Variants in GHR observed in about 807,000 individuals in gnomAD.
GHR encodes GH receptor.
Under a neutral mutation model 67.1 loss-of-function variants are expected in GHR, and 35 were observed. The observed-to-expected ratio is 0.52, with a 90% CI of 0.40 to 0.69. The LOEUF (loss-of-function observed/expected upper bound fraction) is 0.69, where lower values mean the gene tolerates loss of function less well. Among genes scored for constraint, GHR ranks in the 30% least tolerant of loss-of-function variants. The pLI is 0.00. For synonymous variants in GHR, 272 were observed against 269.1 expected (o/e 1.01, Z -0.10); for missense variants, 792 against 764.6 (o/e 1.04, Z -0.42).
chr5:42,646,350 A>G (rs1030258320), intron 3 of GHR: 2 of 455,028 alleles, frequency 4.4e-6, no homozygotes, highest in Admixed American at 2.4e-5. Context: ...CCATGCTCAC[A>G]TATCAAGAAA....
intron 1 of GHR, among the ~76,000 whole-genome samples, chr5:42,551,934 G>C (rs1055456111): frequency 6.6e-6 from 1 of 152,228 alleles, no homozygotes; most frequent in Non-Finnish European, 1.5e-5. Flanking sequence ...CCAATGAGGG[G>C]AGCATGAATG....
rs139117764 is a variant in GHR, at chr5:42,485,926, C to G, written c.-12+61971C>G. On this transcript the variant is annotated intron_variant, in intron 1 of 9. Coordinates refer to ENST00000230882, the MANE Select transcript of GHR (RefSeq NM_000163.5). ...TTCTACTGAAGTCCATACTCTACCC[C>G]CTTGCTCTCAGCCGATGATCTGTTT... Among the ~76,000 whole-genome samples, 52 of 152,322 alleles carry G rather than the reference C, an allele frequency of 3.4e-4. No individual in the cohort carries two copies. In the East Asian group the frequency reaches 8.1e-3, roughly 24 times the overall value.
At chr5:42,466,824 G>T in intron 1 of GHR, 1 of 1,150,014 alleles carries the variant, frequency 8.7e-7, no homozygotes, top group Non-Finnish European at 1.2e-6. Flanking sequence ...ACAGCAAAGA[G>T]GTGTCTCATT....
Position 42,565,901 on chromosome 5 carries a change from C to T in GHR, c.27C>T (p.Thr9=), listed in dbSNP as rs376039279. The T allele has an allele frequency of 1.2e-6, 2 of 1,614,038 alleles. No individual in the cohort carries two copies. Among genetic ancestry groups the T allele is most frequent in the Non-Finnish European group, 1.7e-6 (2 of 1,179,940 alleles). ...TGGATCTCTGGCAGCTGCTGTTGAC[C>T]TTGGCACTGGCAGGATCAAGTGATG... MDLWQLLL[T]LALAGSSDAF... Residue 9 remains threonine (T), a synonymous_variant, in exon 2 of 10, where the codon ACC becomes ACT. Transcript: ENST00000230882.
intron 1 of GHR, among the ~76,000 whole-genome samples, chr5:42,426,217 G>T (rs1271454675): frequency 6.6e-6 from 1 of 152,174 alleles, no homozygotes; most frequent in East Asian, 1.9e-4. Context: ...AATAAATGGA[G>T]CCACAGTTGC....
At chr5:42,701,262 G>A (rs1757914538) in intron 6 of GHR, among the ~76,000 whole-genome samples, 1 of 152,154 alleles carries the variant, frequency 6.6e-6, no homozygotes, top group South Asian at 2.1e-4. Flanking sequence ...TTTACTAATA[G>A]TCATGCACTC....
chr5:42,639,636 T>A (rs1015459758), intron 3 of GHR, among the ~76,000 whole-genome samples: 4 of 152,192 alleles, frequency 2.6e-5, no homozygotes, highest in African/African-American at 9.7e-5. Flanking sequence ...TCTGCCAGGG[T>A]TATCCTCAGA....
chr5:42,615,640 T>A (rs1193937305), intron 2 of GHR, among the ~76,000 whole-genome samples: 1 of 151,926 alleles, frequency 6.6e-6, no homozygotes, highest in Non-Finnish European at 1.5e-5. Context: ...ATGTGTCTGG[T>A]TGTGAATAGT....
At chr5:42,676,167 C>A (rs1031433096) in intron 3 of GHR, among the ~76,000 whole-genome samples, 3 of 152,112 alleles carry the variant, frequency 2.0e-5, no homozygotes, top group African/African-American at 7.2e-5. Flanking sequence ...CGCCTGTAGT[C>A]CCAGCTACTC....
At chr5:42,428,508 C>T (rs1742951159) in intron 1 of GHR, among the ~76,000 whole-genome samples, 2 of 152,212 alleles carry the variant, frequency 1.3e-5, no homozygotes, top group Non-Finnish European at 2.9e-5. Context: ...CAAATTTCTG[C>T]AGCAGTCTTG....
intron 1 of GHR, among the ~76,000 whole-genome samples, chr5:42,558,307 A>G (rs1244939510): frequency 1.3e-5 from 2 of 152,232 alleles, no homozygotes; most frequent in African/African-American, 4.8e-5. Flanking sequence ...ATGATTTTAT[A>G]TGTCATTTGA....
intron 2 of GHR, among the ~76,000 whole-genome samples, chr5:42,615,208 C>G (rs761636278): frequency 2.0e-4 from 30 of 150,840 alleles, no homozygotes; most frequent in Non-Finnish European, 3.4e-4. Context: ...AACTCTACAG[C>G]AAAGAAAAAA....
At chr5:42,545,722 G>A (rs543920283) in intron 1 of GHR, among the ~76,000 whole-genome samples, 1 of 152,196 alleles carries the variant, frequency 6.6e-6, no homozygotes, top group South Asian at 2.1e-4. Flanking sequence ...ACTTGTTTTG[G>A]GGGGTTGGGT....
intron 2 of GHR, among the ~76,000 whole-genome samples, chr5:42,610,043 T>C (rs899584101): frequency 1.4e-4 from 21 of 152,178 alleles, no homozygotes; most frequent in Non-Finnish European, 2.1e-4. Context: ...CACAATTTTA[T>C]AAGTGTGATA....
intron 2 of GHR, among the ~76,000 whole-genome samples, chr5:42,579,330 A>G (rs1751036210): frequency 6.6e-6 from 1 of 152,192 alleles, no homozygotes; most frequent in Non-Finnish European, 1.5e-5. Context: ...ACTCATTACC[A>G]AGGAAATTCC....
chr5:42,634,005 G>A (rs1179282958), intron 3 of GHR, among the ~76,000 whole-genome samples: 1 of 151,958 alleles, frequency 6.6e-6, no homozygotes, highest in African/African-American at 2.4e-5. Flanking sequence ...TTCCTCTCTC[G>A]CAAGGAGAGA....
intron 1 of GHR, among the ~76,000 whole-genome samples, chr5:42,492,534 T>C (rs1236284021): frequency 1.3e-5 from 2 of 152,096 alleles, no homozygotes; most frequent in African/African-American, 4.8e-5. Flanking sequence ...CCTAGGGAGG[T>C]GATGCTGAAT....
rs754420410 is a variant in GHR at position 42,718,561 on chromosome 5, G to A, written c.1054G>A (p.Glu352Lys). Residue 352 changes from glutamate (E) to lysine (K), a missense_variant, in exon 10 of 10, where the codon GAG (glutamate) becomes AAG (lysine). Coordinates refer to ENST00000230882, the MANE Select transcript of GHR (RefSeq NM_000163.5). ...TGAATTTATTGAGCTAGATATTGAT[G>A]AGCCAGATGAAAAGACTGAGGAATC... ...WVEFIELDIDEPDEKTEESDT... is the reference protein window; with the variant it reads ...WVEFIELDIDKPDEKTEESDT... 6.2e-7 allele frequency: 1 copy of A among 1,614,092 alleles called. No individual in the cohort carries two copies. The highest frequency in any genetic ancestry group is 1.1e-5 in the South Asian group (1 of 91,076).
At chr5:42,687,840 A>G (rs561239222) in intron 3 of GHR, among the ~76,000 whole-genome samples, 9 of 152,342 alleles carry the variant, frequency 5.9e-5, no homozygotes, top group African/African-American at 1.9e-4. Context: ...TCATATAAGG[A>G]GAAAAAAATA....
Sources: allele counts gnomAD v4.1 joint callset (sites outside exome capture counted in the v4.1 genomes callset), GRCh38; gene constraint gnomAD v4.1.1; transcripts MANE v1.5; gene names NCBI Gene and HGNC (gene_info 2026-07-23, HGNC 2026-07-21).